The following CCDC175 variants were observed in gnomAD, a reference collection of about 807,000 sequenced individuals.
CCDC175 encodes coiled-coil domain containing 175.
In CCDC175, 100 loss-of-function variants were observed where a neutral mutation model predicts 114.6. The ratio of observed to expected loss-of-function variants is 0.87; its 90% CI spans 0.74 to 1.03. The LOEUF is 1.03. Among genes scored for constraint, CCDC175 ranks in the 50% least tolerant of loss-of-function variants. CCDC175 has a pLI of 0.00. For synonymous variants in CCDC175, 306 were observed against 308.7 expected (o/e 0.99, Z 0.09); for missense variants, 880 against 917.8 (o/e 0.96, Z 0.53).
intron 2 of CCDC175, 22 bp downstream of exon 2, chr14:59,574,921 G>A (rs1347679709): frequency 5.6e-6 from 7 of 1,241,320 alleles, no homozygotes; most frequent in Non-Finnish European, 7.8e-6. Flanking sequence ...TGAAGAAATG[G>A]TTCTTATAGA....
At chr14:59,540,653 T>G in intron 11 of CCDC175, 22 bp downstream of exon 11, 1 of 1,428,892 alleles carries the variant, frequency 7.0e-7, no homozygotes, top group Non-Finnish European at 9.2e-7. Flanking sequence ...ATAAACTTTT[T>G]TTTTTTTTTT....
chr14:59,543,423 T>G lies in CCDC175; in HGVS notation c.1204A>C (p.Lys402Gln). ...NQKQLTFISQ[K>Q]EYFLSQKRVD... Reference sequence around the variant, plus strand: ...CTCTTTTGTGACAGAAAGTATTCTTTCTGAGAAATAAATGTCAGCTGTTTC... The same window carrying G: ...CTCTTTTGTGACAGAAAGTATTCTTGCTGAGAAATAAATGTCAGCTGTTTC... Residue 402 changes from lysine (K) to glutamine (Q), a missense_variant, in exon 10 of 20, where the codon AAA becomes CAA. Coordinates refer to ENST00000537690, the MANE Select transcript of CCDC175 (RefSeq NM_001164399.2). 1 of 1,460,502 alleles carries G rather than the reference T, an allele frequency of 6.8e-7. No homozygotes were observed. The highest frequency in any genetic ancestry group is 1.4e-5 in the South Asian group (1 of 73,492). 90.5% of individuals were successfully genotyped at this position (1,460,502 alleles called of 1,614,324 possible). A position where few individuals can be genotyped will look rare whatever the true frequency, so the allele number is the denominator to read the frequency against.
chr14:59,566,207 C>T (rs1177730728), intron 4 of CCDC175, among the ~76,000 whole-genome samples: 1 of 152,174 alleles, frequency 6.6e-6, no homozygotes, highest in Non-Finnish European at 1.5e-5. Context: ...CCATTGCGGG[C>T]GGTGTCCATC....
At chr14:59,514,183 G>C (rs1446277758) in intron 17 of CCDC175, among the ~76,000 whole-genome samples, 4 of 152,324 alleles carry the variant, frequency 2.6e-5, no homozygotes, top group East Asian at 1.9e-4. Flanking sequence ...CATCATCAAA[G>C]ACCAAAGGTA....
At chr14:59,566,215 A>ATCTAAGGAAGACCTTAAGATTG (rs1896533131) in intron 4 of CCDC175, among the ~76,000 whole-genome samples, 3 of 152,218 alleles carry the variant, frequency 2.0e-5, no homozygotes, top group Non-Finnish European at 4.4e-5. Context: ...GGCGGTGTCC[A>ATCTAAGGAAGACCTTAAGATTG]TCTAAGGAAG....
chr14:59,516,991 C>A (rs1368522718), intron 17 of CCDC175, among the ~76,000 whole-genome samples: 1 of 152,170 alleles, frequency 6.6e-6, no homozygotes, highest in African/African-American at 2.4e-5. Context: ...GGGCTTCATC[C>A]CTGGGATGCA....
chr14:59,571,872 C>A (rs1042059982), intron 3 of CCDC175, among the ~76,000 whole-genome samples: 2 of 152,032 alleles, frequency 1.3e-5, no homozygotes, highest in African/African-American at 4.8e-5. Flanking sequence ...TATCCCTAAT[C>A]CAAAAATCTG....
intron 8 of CCDC175, among the ~76,000 whole-genome samples, chr14:59,547,453 C>T (rs180865004): frequency 3.9e-5 from 6 of 152,244 alleles, no homozygotes; most frequent in Admixed American, 3.9e-4. Flanking sequence ...GCCATAAAAA[C>T]TCATTTTAAA....
Position 59,521,547 on chromosome 14 carries a change from T to C in CCDC175, c.2098+27A>G, listed in dbSNP as rs775791769. The C allele has an allele frequency of 4.6e-6, 6 of 1,296,146 alleles. No homozygotes were observed. In the Admixed American group the frequency reaches 1.0e-4, roughly 22 times the overall value. 80.3% of individuals were successfully genotyped at this position (1,296,146 alleles called of 1,614,324 possible). On this transcript the variant is annotated intron_variant, in intron 17 of 19. Coordinates refer to ENST00000537690, the MANE Select transcript of CCDC175 (RefSeq NM_001164399.2). ...TTCTGTCCCGCTAAAGAACCCTGAC[T>C]AATACAAGCACCCACACATTACTTA...
intron 17 of CCDC175, among the ~76,000 whole-genome samples, chr14:59,517,506 A>G (rs1435301148): frequency 2.0e-5 from 3 of 152,210 alleles, no homozygotes; most frequent in Admixed American, 6.5e-5. Flanking sequence ...AAAAATCACA[A>G]GCATTCTTAT....
rs1893429980 is a variant in CCDC175, at chr14:59,521,557, A to G, written c.2098+17T>C. ...CTAAAGAACCCTGACTAATACAAGC[A>G]CCCACACATTACTTACCCTCCTGAG... On this transcript the variant is annotated intron_variant, in intron 17 of 19. Transcript: ENST00000537690. The G allele has an allele frequency of 2.1e-6, 3 of 1,396,138 alleles. No individual in the cohort carries two copies. The East Asian group carries it at 7.4e-5, about 35-fold the overall frequency. 86.5% of individuals were successfully genotyped at this position (1,396,138 alleles called of 1,614,324 possible). A position where few individuals can be genotyped will look rare whatever the true frequency, so the allele number is the denominator to read the frequency against.
chr14:59,561,175 A>T lies in CCDC175; in HGVS notation c.897T>A (p.Tyr299Ter). Residue 299 changes from tyrosine (Y) to a stop codon, truncating the protein, a stop_gained, in exon 7 of 20, where the codon TAT becomes TAA. Coordinates refer to ENST00000537690, the MANE Select transcript of CCDC175 (RefSeq NM_001164399.2). LOFTEE classifies it high-confidence loss of function. The stretch of plus-strand genomic sequence containing the variant: ...TTAGCTCACTGACCTCTTGTTCCCA[A>T]TACCTTATTGATTCGTGTAGTCGTG... ...EIARLHESIR[Y>*]WEQEVSELKK... The T allele has an allele frequency of 6.5e-7, 1 of 1,535,940 alleles. No individual in the cohort carries two copies.
At chr14:59,512,159 T>C (rs569895718) in intron 17 of CCDC175, among the ~76,000 whole-genome samples, 47 of 152,278 alleles carry the variant, frequency 3.1e-4, no homozygotes, top group Non-Finnish European at 6.5e-4. Flanking sequence ...CACAAAAAGA[T>C]TAGCAAACTG....
intron 7 of CCDC175, 74 bp from the exon 8 acceptor site, chr14:59,551,510 G>T: frequency 1.5e-6 from 1 of 675,032 alleles, no homozygotes; most frequent in East Asian, 3.0e-5. Flanking sequence ...GGCCAAATAG[G>T]AACAGCTGCA....
intron 17 of CCDC175, 35 bp from the exon 18 acceptor site, chr14:59,511,838 GAC>G (rs1156723674): frequency 7.3e-7 from 1 of 1,367,216 alleles, no homozygotes; most frequent in East Asian, 2.5e-5. Context: ...AATGGTTACT[GAC>G]ACAATCTGAA....
chr14:59,533,831 A>G (rs1166893513), intron 13 of CCDC175, among the ~76,000 whole-genome samples: 2 of 151,982 alleles, frequency 1.3e-5, no homozygotes, highest in Non-Finnish European at 2.9e-5. Context: ...TACTAAAAAT[A>G]CAAAAAAATT....
At chr14:59,505,769 T>G (rs1207305252) in intron 19 of CCDC175, among the ~76,000 whole-genome samples, 1 of 152,194 alleles carries the variant, frequency 6.6e-6, no homozygotes, top group East Asian at 1.9e-4. Context: ...ACTTAGGCCC[T>G]TGTAGCACAT....
intron 13 of CCDC175, 49 bp downstream of exon 13, chr14:59,537,974 C>G (rs2140026976): frequency 7.6e-7 from 1 of 1,309,660 alleles, no homozygotes; most frequent in Non-Finnish European, 1.0e-6. Flanking sequence ...TTCCCCCTCC[C>G]CCTCATGTAG....
chr14:59,538,540 C>A (rs1388880465), intron 12 of CCDC175, among the ~76,000 whole-genome samples, 165 bp downstream of exon 12: 1 of 152,148 alleles, frequency 6.6e-6, no homozygotes, highest in African/African-American at 2.4e-5. Flanking sequence ...AGTTAATATA[C>A]AGCAAGTGAA....
Sources: allele counts gnomAD v4.1 joint callset (sites outside exome capture counted in the v4.1 genomes callset), GRCh38; gene constraint gnomAD v4.1.1; transcripts MANE v1.5; gene names NCBI Gene and HGNC (gene_info 2026-07-23, HGNC 2026-07-21).